The following PHACTR3 variants were observed in gnomAD, a reference collection of about 807,000 sequenced individuals.
The protein encoded by PHACTR3 is phosphatase and actin regulator 3.
Under a neutral mutation model 66.8 loss-of-function variants are expected in PHACTR3, and 16 were observed. The observed-to-expected ratio is 0.24, with a 90% CI of 0.16 to 0.36. The LOEUF is 0.36. Ranked by LOEUF, PHACTR3 falls within the 10% of genes least tolerant of loss-of-function variation. PHACTR3 has a pLI of 1.00. For synonymous variants in PHACTR3, 323 were observed against 292.1 expected (o/e 1.11, Z -1.08); for missense variants, 647 against 719.9 (o/e 0.90, Z 1.16).
At chr20:59,665,867 G>A (rs1053433555) in intron 1 of PHACTR3, among the ~76,000 whole-genome samples, 2 of 152,182 alleles carry the variant, frequency 1.3e-5, no homozygotes, top group Non-Finnish European at 2.9e-5. Context: ...TCAGAAGTGG[G>A]GTTGGCGTTG....
intron 1 of PHACTR3, among the ~76,000 whole-genome samples, chr20:59,713,077 C>G (rs541843112): frequency 6.6e-6 from 1 of 152,338 alleles, no homozygotes; most frequent in East Asian, 1.9e-4. Context: ...TCTCACAACA[C>G]GGTCTAGGGT....
Position 59,604,947 on chromosome 20 carries a change from C to T in PHACTR3, c.-68C>T, listed in dbSNP as rs1039278839. ...CCCCCTCCAGCCCCCTCGCCGGTGA[C>T]CTTGGCCGCCTCGGATGCTCTGATT... On this transcript the variant is annotated 5_prime_UTR_variant, in exon 1 of 13. Coordinates refer to ENST00000371015, the MANE Select transcript of PHACTR3 (RefSeq NM_080672.5). The T allele has an allele frequency of 8.2e-7, 1 of 1,216,390 alleles. No individual in the cohort carries two copies. Among genetic ancestry groups the T allele is most frequent in the Non-Finnish European group, 1.0e-6 (1 of 976,076 alleles). 75.3% of individuals were successfully genotyped at this position (1,216,390 alleles called of 1,614,324 possible). A position where few individuals can be genotyped will look rare whatever the true frequency, so the allele number is the denominator to read the frequency against.
At chr20:59,639,595 C>G (rs1282633363) in intron 1 of PHACTR3, among the ~76,000 whole-genome samples, 1 of 152,124 alleles carries the variant, frequency 6.6e-6, no homozygotes, top group Non-Finnish European at 1.5e-5. Context: ...GGGAGGCAGG[C>G]ACAAAGATTA....
intron 1 of PHACTR3, among the ~76,000 whole-genome samples, chr20:59,701,173 C>T (rs2037495056): frequency 6.6e-6 from 1 of 152,166 alleles, no homozygotes; most frequent in South Asian, 2.1e-4. Context: ...GACCATAAAT[C>T]ATCACGAGTT....
At chr20:59,827,603 AC>A (rs2042230828) in intron 8 of PHACTR3, among the ~76,000 whole-genome samples, 1 of 152,096 alleles carries the variant, frequency 6.6e-6, no homozygotes, top group African/African-American at 2.4e-5. Context: ...GACTGGCTGC[AC>A]CCAGGAGGTG....
intron 1 of PHACTR3, among the ~76,000 whole-genome samples, chr20:59,627,516 A>G (rs2034499541): frequency 6.6e-6 from 1 of 152,228 alleles, no homozygotes; most frequent in Non-Finnish European, 1.5e-5. Context: ...TGAGATGAGC[A>G]GGATGGGGGT....
intron 7 of PHACTR3, among the ~76,000 whole-genome samples, chr20:59,781,829 G>A (rs1490776858): frequency 6.6e-6 from 1 of 152,098 alleles, no homozygotes; most frequent in Non-Finnish European, 1.5e-5. Flanking sequence ...GCAAGCACAG[G>A]GGGGTTCTAG....
intron 12 of PHACTR3, among the ~76,000 whole-genome samples, chr20:59,846,573 C>T (rs770093408): frequency 7.9e-5 from 12 of 151,806 alleles, no homozygotes; most frequent in South Asian, 6.2e-4. Flanking sequence ...GTACATTTTC[C>T]GATTATACAT....
At chr20:59,579,893 TC>T in intron 1 of PHACTR3, among the ~76,000 whole-genome samples, 1 of 152,048 alleles carries the variant, frequency 6.6e-6, no homozygotes, top group East Asian at 1.9e-4. Flanking sequence ...GAAGGCTTGG[TC>T]GGGGAGGAGG....
At chr20:59,815,110 C>G (rs2041847316) in intron 8 of PHACTR3, among the ~76,000 whole-genome samples, 1 of 152,088 alleles carries the variant, frequency 6.6e-6, no homozygotes, top group Non-Finnish European at 1.5e-5. Flanking sequence ...GAAGAGGGTT[C>G]TTGTTAATGA....
At chr20:59,843,770 G>A (rs1359284577) in intron 11 of PHACTR3, 1 of 152,078 alleles carries the variant, frequency 6.6e-6, no homozygotes, top group Non-Finnish European at 1.5e-5. Context: ...CATTGGTCTA[G>A]GCAAACATTT....
chr20:59,803,987 C>A (rs890408152), intron 7 of PHACTR3, among the ~76,000 whole-genome samples: 1 of 152,180 alleles, frequency 6.6e-6, no homozygotes, highest in East Asian at 1.9e-4. Flanking sequence ...TGCTAGGCAG[C>A]CTGCTCTGGG....
At position 59,829,458 on chromosome 20, in the gene PHACTR3, C is replaced by G. The variant is rs752381027; in HGVS notation, c.1329-7047C>G. On this transcript the variant is annotated intron_variant, in intron 8 of 12. Coordinates refer to ENST00000371015, the MANE Select transcript of PHACTR3 (RefSeq NM_080672.5). The surrounding 1 kb of genome is among the most constrained non-coding windows in gnomAD (Gnocchi z 4.2). ...TCCAGACACACCCACATTGCTCTGA[C>G]GCTCTGAGACATAGGGTCAATGTGC... is the stretch of plus-strand genomic sequence containing the variant. 6.6e-6 allele frequency among the ~76,000 whole-genome samples: 1 copy of G among 152,198 alleles called. No homozygotes were observed. The highest frequency in any genetic ancestry group is 6.5e-5 in the Admixed American group (1 of 15,290).
intron 3 of PHACTR3, among the ~76,000 whole-genome samples, chr20:59,754,950 C>A (rs1404429548): frequency 1.3e-5 from 2 of 152,162 alleles, no homozygotes; most frequent in African/African-American, 4.8e-5. Context: ...GAAGAGTGCA[C>A]ACAGGGAGTG....
At chr20:59,733,479 G>T (rs1337452478) in intron 1 of PHACTR3, among the ~76,000 whole-genome samples, 1 of 152,146 alleles carries the variant, frequency 6.6e-6, no homozygotes, top group African/African-American at 2.4e-5. Flanking sequence ...TCCGTGTGAG[G>T]TTATTGTATG....
At chr20:59,749,571 C>T (rs2039503292) in intron 3 of PHACTR3, among the ~76,000 whole-genome samples, 2 of 152,202 alleles carry the variant, frequency 1.3e-5, no homozygotes, top group South Asian at 4.1e-4. Context: ...GGCGACATCA[C>T]ACACCCGCAG....
intron 1 of PHACTR3, among the ~76,000 whole-genome samples, chr20:59,674,626 C>T (rs1327028723): frequency 2.5e-5 from 2 of 80,006 alleles, no homozygotes; most frequent in Admixed American, 2.8e-4. Flanking sequence ...CTTCTCCTGT[C>T]CCCGCTTCTC....
chr20:59,791,213 A>C (rs1173811997), intron 7 of PHACTR3, among the ~76,000 whole-genome samples: 2 of 152,100 alleles, frequency 1.3e-5, no homozygotes, highest in East Asian at 3.9e-4. Context: ...GGTATAAAAG[A>C]GTCTGTCTGG....
chr20:59,810,386 C>T (rs569896661), intron 8 of PHACTR3, among the ~76,000 whole-genome samples: 1 of 152,346 alleles, frequency 6.6e-6, no homozygotes, highest in African/African-American at 2.4e-5. Flanking sequence ...TGTTTAAAAA[C>T]CTGGAATTAG....
Sources: gnomAD v4.1 joint callset for allele counts (sites outside exome capture counted in the v4.1 genomes callset) on GRCh38, gnomAD v4.1.1 for gene constraint, Gnocchi (gnomAD v3.1) non-coding constraint, MANE v1.5 for transcripts, NCBI Gene and HGNC (gene_info 2026-07-23, HGNC 2026-07-21) for gene names.